CCZ1: variants seen among roughly 807,000 people sequenced by gnomAD.
CCZ1 encodes the protein vacuolar fusion protein CCZ1 homolog.
In CCZ1, 19 loss-of-function variants were observed where a neutral mutation model predicts 57.8. That is an observed-to-expected ratio of 0.33 (90% CI 0.23 to 0.48). The LOEUF is 0.48. Ranked by LOEUF, CCZ1 falls within the 20% of genes least tolerant of loss-of-function variation. CCZ1 has a pLI of 0.99. For synonymous variants in CCZ1, 81 were observed against 167.0 expected, an observed-to-expected ratio of 0.49 and a Z score of 3.97; for missense variants, 200 against 492.0, an observed-to-expected ratio of 0.41 and a Z score of 5.61.
chr7:5,899,215 A>G (rs1464585150), intron 1 of CCZ1, among the ~76,000 whole-genome samples: 643 of 93,238 alleles, frequency 6.9e-3, no homozygotes, highest in African/African-American at 0.025. Flanking sequence ...TTAAGTGGGT[A>G]GTCCCCAACT....
chr7:5,903,525 A>G (rs1385865841), intron 6 of CCZ1, among the ~76,000 whole-genome samples: 1 of 83,418 alleles, frequency 1.2e-5, no homozygotes, highest in Non-Finnish European at 2.3e-5. Flanking sequence ...CTATTTTTGA[A>G]TTTTTTTGTT....
At position 5,911,857 on chromosome 7, in the gene CCZ1, G is replaced by A; in HGVS notation, c.781-4G>A. The A allele has an allele frequency of 6.4e-7, 1 of 1,562,014 alleles. No homozygotes were observed. The highest frequency in any genetic ancestry group is 8.7e-7 in the Non-Finnish European group (1 of 1,148,872). Reference sequence around the variant, plus strand: ...GTCATTCTCAACATTAAATGTATTTGCAGTTAGCAGGAAGGGATTCTCCAA... The same window carrying A: ...GTCATTCTCAACATTAAATGTATTTACAGTTAGCAGGAAGGGATTCTCCAA... On this transcript the variant is annotated splice_region_variant and splice_polypyrimidine_tract_variant and intron_variant, in intron 8 of 14. Transcript: ENST00000325974.
intron 12 of CCZ1, among the ~76,000 whole-genome samples, chr7:5,920,776 T>C (rs2906507): frequency 0.9 from 90,594 of 100,796 alleles, 41,497 homozygotes; most frequent in African/African-American, 0.97. Context: ...CCGGCCATGC[T>C]TATCTTTTCT....
chr7:5,907,009 A>T (rs1483032835), intron 7 of CCZ1, among the ~76,000 whole-genome samples: 1 of 148,896 alleles, frequency 6.7e-6, no homozygotes, highest in Non-Finnish European at 1.5e-5. Flanking sequence ...CTGGGATTAC[A>T]GGTGCATACC....
rs1462617686 is a variant in CCZ1 at position 5,911,492 on chromosome 7, G to C, written c.781-369G>C. On this transcript the variant is annotated intron_variant, in intron 8 of 14. Coordinates refer to ENST00000325974, the MANE Select transcript of CCZ1 (RefSeq NM_015622.6). ...TAATTTTTTGTAGAGATGGGATCTCGTCATGTTGCCCAGGCTATTCTCAAA... is the reference window on the plus strand; with the variant it reads ...TAATTTTTTGTAGAGATGGGATCTCCTCATGTTGCCCAGGCTATTCTCAAA... Among the ~76,000 whole-genome samples, 9 of 148,732 alleles carry C rather than the reference G, an allele frequency of 6.1e-5. 1 individual carries two copies. Among genetic ancestry groups the C allele is most frequent in the South Asian group, 2.2e-4 (1 of 4,534 alleles).
At chr7:5,912,206 C>T (rs1779054423) in intron 9 of CCZ1, among the ~76,000 whole-genome samples, 1 of 135,470 alleles carries the variant, frequency 7.4e-6, no homozygotes, top group African/African-American at 2.8e-5. Context: ...GATCCACCTG[C>T]CTTGGCCTCC....
In CCZ1 at chr7:5,914,879, A is replaced by AAC. The variant is rs1435293294; in HGVS notation, c.954+1926_954+1927insCA. Among the ~76,000 whole-genome samples, 30 of 29,042 alleles carry AAC rather than the reference A, an allele frequency of 1.0e-3. 2 individuals carry two copies. The Middle Eastern group carries it at 0.21, about 207-fold the overall frequency. The allele number at this position is 29,042 out of a possible 152,430, so 19.1% of individuals were successfully genotyped here. On this transcript the variant is annotated intron_variant, in intron 10 of 14. Coordinates refer to ENST00000325974, the MANE Select transcript of CCZ1 (RefSeq NM_015622.6). The stretch of plus-strand genomic sequence containing the variant: ...CAACAGAGCAAGACTCTGTCTCAGA[A>AAC]AGAAAAAAAAAACACGTTCAACATG...
chr7:5,900,763 A>G lies in CCZ1; in HGVS notation c.313-92A>G, dbSNP rs878884410. ...GCTGTTTTAAGAAGCTATGTTTCTG[A>G]TGCTGTAGCATGTTCAAAGTTTTTA... On this transcript the variant is annotated intron_variant, in intron 3 of 14. Transcript: ENST00000325974. 6.3e-5 allele frequency: 100 copies of G among 1,581,252 alleles called. 1 individual carries two copies. Among genetic ancestry groups the G allele is most frequent in the East Asian group, 3.8e-4 (17 of 44,500 alleles).
At chr7:5,909,424 A>G (rs1263372681) in intron 7 of CCZ1, among the ~76,000 whole-genome samples, 2 of 150,576 alleles carry the variant, frequency 1.3e-5, no homozygotes, top group African/African-American at 2.5e-5. Context: ...AGATGAGGCC[A>G]GGCACAGTGG....
At chr7:5,901,779 A>G in intron 5 of CCZ1, 75 bp downstream of exon 5, 4 of 1,561,920 alleles carry the variant, frequency 2.6e-6, no homozygotes, top group African/African-American at 1.4e-5. Context: ...TTGTTTAAAG[A>G]GAAATCTGTA....
Position 5,921,038 on chromosome 7 carries a change from G to A in CCZ1, c.1106+1072G>A, listed in dbSNP as rs551550712. On this transcript the variant is annotated intron_variant, in intron 12 of 14. Transcript: ENST00000325974. ...CTGTTCTCAGCTCACTGCAACCTCCGCCTCCCAGGTTCAAGCGATTCTCCT... is the reference window on the plus strand; with the variant it reads ...CTGTTCTCAGCTCACTGCAACCTCCACCTCCCAGGTTCAAGCGATTCTCCT... 1.9e-4 allele frequency among the ~76,000 whole-genome samples: 16 copies of A among 82,972 alleles called. 1 individual carries two copies. The highest frequency in any genetic ancestry group is 2.5e-4 in the Admixed American group (2 of 7,918). 54.4% of individuals were successfully genotyped at this position (82,972 alleles called of 152,430 possible).
chr7:5,910,210 G>A (rs566606697), intron 8 of CCZ1, 94 bp downstream of exon 8: 20 of 1,043,604 alleles, frequency 1.9e-5, no homozygotes, highest in African/African-American at 3.1e-5. Context: ...GTTTCTGATC[G>A]TTTCTGATGT....
chr7:5,910,150 T>G, intron 8 of CCZ1, 34 bp downstream of exon 8: 1 of 1,562,768 alleles, frequency 6.4e-7, no homozygotes, highest in East Asian at 2.3e-5. Context: ...CACAATTACA[T>G]GCAGGGGCAC....
chr7:5,912,462 C>A (rs1238113140), intron 9 of CCZ1, among the ~76,000 whole-genome samples: 1 of 119,676 alleles, frequency 8.4e-6, no homozygotes, highest in African/African-American at 3.2e-5. Flanking sequence ...TACAGTGGCA[C>A]GATCTCAGCT....
At chr7:5,912,414 A>AT (rs375156875) in intron 9 of CCZ1, among the ~76,000 whole-genome samples, 2,528 of 51,032 alleles carry the variant, frequency 0.05, 126 homozygotes, top group African/African-American at 0.14. Flanking sequence ...TTTTTTTGAG[A>AT]TGGAGTGTCT....
intron 11 of CCZ1, chr7:5,919,597 G>GT (rs1398260647): frequency 8.4e-6 from 4 of 474,648 alleles, no homozygotes; most frequent in Non-Finnish European, 7.8e-6. Context: ...TCTTTCTGGG[G>GT]TAGGCAACCG....
Position 5,901,685 on chromosome 7 carries a change from A to C in CCZ1, c.419A>C (p.Gln140Pro), listed in dbSNP as rs1351769391. 5.6e-6 allele frequency: 9 copies of C among 1,598,850 alleles called. No homozygotes were observed. Among genetic ancestry groups the C allele is most frequent in the Non-Finnish European group, 7.6e-6 (9 of 1,176,956 alleles). The change falls in exon 5 of 15, where the codon CAG becomes CCG. Residue 140 changes from glutamine to proline, a missense_variant. By Grantham distance (76) the Gln-to-Pro change is moderately conservative. Coordinates refer to ENST00000325974, the MANE Select transcript of CCZ1 (RefSeq NM_015622.6). Reference sequence around the variant, plus strand: ...AAGGTTTATAGCTCGGTGCTGCGGCAGTGCTACAGCATGTACAAGGTAAGC... The same window carrying C: ...AAGGTTTATAGCTCGGTGCTGCGGCCGTGCTACAGCATGTACAAGGTAAGC... ...LDKVYSSVLR[Q>P]CYSMYKLFNG... is the part of the protein sequence containing the mutation.
rs1583179732 is a variant in CCZ1, at chr7:5,900,355, G to C, written c.192G>C (p.Leu64Phe). ...EKNEKIRNVGLCEAIVQFTRT... is the reference protein window; with the variant it reads ...EKNEKIRNVGFCEAIVQFTRT... ...ATGAGAAGATTAGAAATGTCGGATT[G>C]TGTGAAGCTATTGTACAGTTTACAA... is the stretch of plus-strand genomic sequence containing the variant. The change falls in exon 2 of 15, where the codon TTG becomes TTC. Residue 64 changes from leucine (L) to phenylalanine (F), a missense_variant. Leu to Phe is a conservative substitution (Grantham distance 22, BLOSUM62 0). Transcript: ENST00000325974. The C allele has an allele frequency of 6.4e-7, 1 of 1,574,208 alleles. No homozygotes were observed. The highest frequency in any genetic ancestry group is 1.7e-4 in the Middle Eastern group (1 of 5,930).
rs1428153489 is a variant in CCZ1 at position 5,910,028 on chromosome 7, G to A, written c.699-7G>A. ...ACGTTTAACCCAGTGCTTTTCTGTT[G>A]TTGCAGGAGTGGATTAGAACAAGAT... On this transcript the variant is annotated splice_region_variant and splice_polypyrimidine_tract_variant and intron_variant, in intron 7 of 14. Coordinates refer to ENST00000325974, the MANE Select transcript of CCZ1 (RefSeq NM_015622.6). 1.2e-6 allele frequency: 2 copies of A among 1,602,322 alleles called. No homozygotes were observed. The highest frequency in any genetic ancestry group is 2.2e-5 in the South Asian group (2 of 90,420).
Sources: gnomAD v4.1 joint callset for allele counts (sites outside exome capture counted in the v4.1 genomes callset) on GRCh38, gnomAD v4.1.1 for gene constraint, MANE v1.5 for transcripts, NCBI Gene and HGNC (gene_info 2026-07-23, HGNC 2026-07-21) for gene names.